HMX1: variants seen among roughly 807,000 people sequenced by gnomAD.
HMX1 encodes H6 family homeobox 1, also known as homeobox protein HMX1.
In HMX1, 8 loss-of-function variants were observed where a neutral mutation model predicts 8.9. The ratio of observed to expected loss-of-function variants is 0.90; its 90% CI spans 0.53 to 1.63. The LOEUF is 1.63. HMX1 is among the 40% of genes most tolerant of loss of function. The probability of loss-of-function intolerance (pLI) is 0.00; values close to 1 mark genes in which losing one functional copy is unlikely to be tolerated. For missense variants in HMX1, 621 were observed against 558.5 expected (o/e 1.11, Z -1.13); for synonymous variants, 311 against 283.4 (o/e 1.10, Z -0.98).
intron 1 of HMX1, among the ~76,000 whole-genome samples, chr4:8,861,312 G>A (rs543182768): frequency 6.6e-6 from 1 of 152,252 alleles, no homozygotes; most frequent in South Asian, 2.1e-4. Context: ...CGGGGCCTGG[G>A]AGGGGCGGGT....
intron 1 of HMX1, among the ~76,000 whole-genome samples, chr4:8,850,499 C>T (rs569521449): frequency 6.6e-6 from 1 of 152,180 alleles, no homozygotes; most frequent in Non-Finnish European, 1.5e-5. Flanking sequence ...GCAGACTGCG[C>T]CCTCCTCCAG....
In HMX1 at chr4:8,849,030, C is replaced by T. The variant is rs914699881; in HGVS notation, c.395-2706G>A. 1.3e-5 allele frequency among the ~76,000 whole-genome samples: 2 copies of T among 152,128 alleles called. No individual in the cohort carries two copies. Among genetic ancestry groups the T allele is most frequent in the South Asian group, 4.1e-4 (2 of 4,824 alleles). ...GAGTGCAGCATCGTGGGGGTGGAGA[C>T]CCGGCTGAGGGGGGTGGGCCTCCTC... On this transcript the variant is annotated intron_variant, in intron 1 of 1. Transcript: ENST00000506970. This position sits in a 1 kb window ranked among gnomAD's most constrained non-coding sequence, Gnocchi z 6.6.
chr4:8,849,056 C>T lies in HMX1; in HGVS notation c.395-2732G>A, dbSNP rs1022573427. 1.3e-5 allele frequency among the ~76,000 whole-genome samples: 2 copies of T among 152,070 alleles called. No individual in the cohort carries two copies. Among genetic ancestry groups the T allele is most frequent in the Admixed American group, 1.3e-4 (2 of 15,270 alleles). ...CCGGCTGAGGGGGGTGGGCCTCCTC[C>T]CCCTGCCCGCTGCTCCATCGTGGAC... On this transcript the variant is annotated intron_variant, in intron 1 of 1. Coordinates refer to the HMX1 transcript ENST00000506970. This position sits in a 1 kb window ranked among gnomAD's most constrained non-coding sequence, Gnocchi z 6.6.
In HMX1 at chr4:8,867,062, C is replaced by G; in HGVS notation, c.*631G>C. 1.0e-6 allele frequency: 1 copy of G among 985,222 alleles called. No homozygotes were observed. The allele number at this position is 985,222 out of a possible 1,614,324, so 61.0% of individuals were successfully genotyped here. ...CAGTGAAACTGTCCAGAAAATGTCC[C>G]TTTTTATTCCATACGCAAATAAGTA... On this transcript the variant is annotated 3_prime_UTR_variant, in exon 2 of 2. Transcript: ENST00000400677.
rs1721511053 is a variant in HMX1, at chr4:8,853,322, T to C, written c.395-6998A>G. Reference sequence around the variant, plus strand: ...GAGGCTCTGCTTTGCTGTAACTAAATTGTCCTCACCTGACCATCACAGCCC... The same window carrying C: ...GAGGCTCTGCTTTGCTGTAACTAAACTGTCCTCACCTGACCATCACAGCCC... On this transcript the variant is annotated intron_variant, in intron 1 of 1. Transcript: ENST00000506970. This position sits in a 1 kb window ranked among gnomAD's most constrained non-coding sequence, Gnocchi z 4.7. 6.6e-6 allele frequency among the ~76,000 whole-genome samples: 1 copy of C among 152,152 alleles called. No individual in the cohort carries two copies. The highest frequency in any genetic ancestry group is 1.5e-5 in the Non-Finnish European group (1 of 68,022).
chr4:8,861,767 C>T (rs1213020679), intron 1 of HMX1, among the ~76,000 whole-genome samples: 11 of 152,244 alleles, frequency 7.2e-5, no homozygotes, highest in African/African-American at 1.9e-4. Flanking sequence ...CCTCAGAGCC[C>T]CGGGATCAAG....
rs1722035643 is a variant in HMX1, at chr4:8,867,394, C to T, written c.*299G>A. 2.8e-6 allele frequency: 3 copies of T among 1,061,562 alleles called. No homozygotes were observed. The highest frequency in any genetic ancestry group is 5.4e-5 in the Admixed American group (1 of 18,516). 65.8% of individuals were successfully genotyped at this position (1,061,562 alleles called of 1,614,324 possible). On this transcript the variant is annotated 3_prime_UTR_variant, in exon 2 of 2. Coordinates refer to ENST00000400677, the MANE Select transcript of HMX1 (RefSeq NM_018942.3). ...CCCGGGTGGCCATGGCCGACCGCTC[C>T]TCGCTGAGGCCGGGGGGTGGCCGTG...
At chr4:8,855,528 T>G (rs1017437260) in intron 1 of HMX1, among the ~76,000 whole-genome samples, 2 of 152,104 alleles carry the variant, frequency 1.3e-5, no homozygotes, top group African/African-American at 4.8e-5. Context: ...GTGAGTGCCC[T>G]GGACAGATGG....
chr4:8,855,298 A>G (rs1721577412), intron 1 of HMX1, among the ~76,000 whole-genome samples: 1 of 152,216 alleles, frequency 6.6e-6, no homozygotes, highest in South Asian at 2.1e-4. Context: ...CTGCTGTCTC[A>G]TTCACCCGTT....
At chr4:8,851,731 C>A (rs1721454515) in intron 1 of HMX1, among the ~76,000 whole-genome samples, 1 of 152,216 alleles carries the variant, frequency 6.6e-6, no homozygotes, top group Non-Finnish European at 1.5e-5. Context: ...TCCATTTCTC[C>A]ATCATAAAAC....
chr4:8,869,872 C>T (rs544357949), intron 1 of HMX1, among the ~76,000 whole-genome samples: 148 of 152,304 alleles, frequency 9.7e-4, no homozygotes, highest in Non-Finnish European at 1.7e-3. Context: ...GGATGCACCC[C>T]AGGGATGAGT....
At chr4:8,857,806 C>T (rs1330211766) in intron 1 of HMX1, among the ~76,000 whole-genome samples, 1 of 152,128 alleles carries the variant, frequency 6.6e-6, no homozygotes. Context: ...GCCCCTCCCT[C>T]CTCCTCCCCT....
intron 1 of HMX1, among the ~76,000 whole-genome samples, chr4:8,855,247 G>T (rs75436942): frequency 0.043 from 6,568 of 152,352 alleles, 172 homozygotes; most frequent in South Asian, 0.1. Context: ...AATTGGCTGT[G>T]CAAGGCTGAC....
In HMX1 at chr4:8,867,118, C is replaced by T. The variant is rs1007737466; in HGVS notation, c.*575G>A. 1.1e-5 allele frequency: 11 copies of T among 985,388 alleles called. No homozygotes were observed. In the Admixed American group the frequency reaches 3.1e-4, roughly 28 times the overall value. The allele number at this position is 985,388 out of a possible 1,614,324, so 61.0% of individuals were successfully genotyped here. A position where few individuals can be genotyped will look rare whatever the true frequency, so the allele number is the denominator to read the frequency against. On this transcript the variant is annotated 3_prime_UTR_variant, in exon 2 of 2. Coordinates refer to ENST00000400677, the MANE Select transcript of HMX1 (RefSeq NM_018942.3). ...ATTTAAAAAAACAACAACCCGGAGG[C>T]TGCGACGTCTGCAGAGAGCCCCAGC... is the stretch of plus-strand genomic sequence containing the variant.
At chr4:8,864,377 C>G (rs545840821), downstream of HMX1, among the ~76,000 whole-genome samples, 1 of 152,204 alleles carries the variant, frequency 6.6e-6, no homozygotes, top group East Asian at 1.9e-4. Flanking sequence ...CTGAGCAGCT[C>G]AGGGTGGCTG....
At position 8,847,600 on chromosome 4, in the gene HMX1, C is replaced by T. The variant is rs1286732579; in HGVS notation, c.395-1276G>A. On this transcript the variant is annotated intron_variant, in intron 1 of 1. Coordinates refer to the HMX1 transcript ENST00000506970. The surrounding 1 kb of genome is among the most constrained non-coding windows in gnomAD (Gnocchi z 6.0). ...TGCAAACCACCCCCTTCTGTCCCCA[C>T]AGAGATGCTTCTGCTCAGGGCCAAG... 6.6e-6 allele frequency among the ~76,000 whole-genome samples: 1 copy of T among 152,214 alleles called. No individual in the cohort carries two copies. Among genetic ancestry groups the T allele is most frequent in the African/African-American group, 2.4e-5 (1 of 41,460 alleles).
In HMX1 at chr4:8,871,622, G is replaced by T. The variant is rs1458137205; in HGVS notation, c.-8C>A. 4 of 1,271,006 alleles carry T rather than the reference G, an allele frequency of 3.1e-6. No homozygotes were observed. The African/African-American group carries it at 6.3e-5, about 20-fold the overall frequency. 78.7% of individuals were successfully genotyped at this position (1,271,006 alleles called of 1,614,324 possible). A position where few individuals can be genotyped will look rare whatever the true frequency, so the allele number is the denominator to read the frequency against. On this transcript the variant is annotated 5_prime_UTR_variant, in exon 1 of 2. Transcript: ENST00000400677. The surrounding 1 kb of genome is among the most constrained non-coding windows in gnomAD (Gnocchi z 4.8). ...CGTCAGCTCGTCAGGCATCGCGGCC[G>T]CGGGCTTCTCGGGCTCGGCCGGGCT...
In HMX1 at chr4:8,868,121, G is replaced by C; in HGVS notation, c.619C>G (p.Arg207Gly). 1 of 1,517,078 alleles carries C rather than the reference G, an allele frequency of 6.6e-7. No individual in the cohort carries two copies. Among genetic ancestry groups the C allele is most frequent in the Non-Finnish European group, 8.8e-7 (1 of 1,136,552 alleles). 94.0% of individuals were successfully genotyped at this position (1,517,078 alleles called of 1,614,324 possible). Reference protein sequence around the residue: ...GVGGGRKKKTRTVFSRSQVFQ... With the variant: ...GVGGGRKKKTGTVFSRSQVFQ... ...ACCTGGCTGCGGGAGAAGACTGTGC[G>C]CGTCTTCTTCTTTCGGCCGCCGCCC... Residue 207 changes from arginine (R) to glycine (G), a missense_variant, in exon 2 of 2, where the codon CGC becomes GGC. By Grantham distance (125) the Arg-to-Gly change is moderately radical. Transcript: ENST00000400677. The surrounding 1 kb of genome is among the most constrained non-coding windows in gnomAD (Gnocchi z 4.6).
intron 1 of HMX1, among the ~76,000 whole-genome samples, chr4:8,851,353 G>C (rs756984986): frequency 6.6e-6 from 1 of 152,112 alleles, no homozygotes; most frequent in Non-Finnish European, 1.5e-5. Context: ...CCAGGCCCTC[G>C]ACAGGACAGG....
Sources: allele counts gnomAD v4.1 joint callset (sites outside exome capture counted in the v4.1 genomes callset), GRCh38; gene constraint gnomAD v4.1.1; non-coding constraint Gnocchi (gnomAD v3.1); transcripts MANE v1.5; gene names NCBI Gene and HGNC (gene_info 2026-07-23, HGNC 2026-07-21).